The following PRDM5 variants were observed in gnomAD, a reference collection of about 807,000 sequenced individuals.
PRDM5 encodes the protein PR domain zinc finger protein 5.
Under a neutral mutation model 81.2 loss-of-function variants are expected in PRDM5, and 56 were observed. The observed-to-expected ratio is 0.69, with a 90% CI of 0.56 to 0.86. PRDM5 has a LOEUF of 0.86. Among genes scored for constraint, PRDM5 ranks in the 40% least tolerant of loss-of-function variants. The pLI is 0.00. For missense variants in PRDM5, 697 were observed against 770.1 expected (o/e 0.91, Z 1.12); for synonymous variants, 267 against 256.4 (o/e 1.04, Z -0.39).
intron 3 of PRDM5, among the ~76,000 whole-genome samples, chr4:120,850,902 G>A (rs950256855): frequency 2.6e-5 from 4 of 152,146 alleles, no homozygotes; most frequent in South Asian, 2.1e-4. Context: ...GAAAATGAGC[G>A]AAGTGCCTAC....
intron 13 of PRDM5, among the ~76,000 whole-genome samples, chr4:120,765,637 G>A (rs1017711498): frequency 6.6e-6 from 1 of 152,166 alleles, no homozygotes; most frequent in African/African-American, 2.4e-5. Context: ...GAAGATGACA[G>A]CAACACACTG....
intron 14 of PRDM5, among the ~76,000 whole-genome samples, chr4:120,714,894 C>T (rs765444114): frequency 1.3e-5 from 2 of 152,140 alleles, no homozygotes; most frequent in African/African-American, 2.4e-5. Context: ...TAAGTCTGAA[C>T]TCCACACTTG....
At chr4:120,887,425 T>TG (rs1366991995) in intron 2 of PRDM5, among the ~76,000 whole-genome samples, 8 of 152,164 alleles carry the variant, frequency 5.3e-5, no homozygotes. Context: ...GCTCCACTCT[T>TG]GCCTCTCTAC....
At chr4:120,886,352 C>T (rs1763437938) in intron 2 of PRDM5, among the ~76,000 whole-genome samples, 1 of 152,172 alleles carries the variant, frequency 6.6e-6, no homozygotes, top group African/African-American at 2.4e-5. Flanking sequence ...AACTAAAACA[C>T]ATTGGAAACC....
chr4:120,784,604 G>C (rs1347411176), intron 11 of PRDM5, among the ~76,000 whole-genome samples: 2 of 152,072 alleles, frequency 1.3e-5, no homozygotes, highest in Non-Finnish European at 2.9e-5. Flanking sequence ...AAGTTTGTGA[G>C]CTCATAAAAC....
chr4:120,818,502 A>G lies in PRDM5; in HGVS notation c.501T>C (p.Tyr167=). ...RKDRLGCKED[Y]ACPQCESSFT... ...AACTCGATTCACATTGAGGACAAGC[A>G]TAGTCCTCTTTACAGCCAAGGCGAT... is the stretch of plus-strand genomic sequence containing the variant. The change falls in exon 5 of 16, where the codon TAT becomes TAC. Residue 167 remains tyrosine (Y), a synonymous_variant. Coordinates refer to ENST00000264808, the MANE Select transcript of PRDM5 (RefSeq NM_018699.4). The G allele has an allele frequency of 1.2e-6, 2 of 1,613,542 alleles. No homozygotes were observed. The highest frequency in any genetic ancestry group is 1.7e-6 in the Non-Finnish European group (2 of 1,179,466).
intron 1 of PRDM5, among the ~76,000 whole-genome samples, chr4:120,908,636 A>G (rs549000565): frequency 1.2e-4 from 18 of 152,230 alleles, no homozygotes; most frequent in Non-Finnish European, 2.6e-4. Flanking sequence ...CGGAGAAGCC[A>G]TAAATACTGG....
At chr4:120,728,081 G>A (rs116134735) in intron 14 of PRDM5, among the ~76,000 whole-genome samples, 4,698 of 152,060 alleles carry the variant, frequency 0.031, 87 homozygotes, top group African/African-American at 0.044. Context: ...TGCTGACCCC[G>A]GGGTGAAAGG....
intron 14 of PRDM5, among the ~76,000 whole-genome samples, chr4:120,719,368 TATC>T (rs1404484780): frequency 6.6e-6 from 1 of 152,216 alleles, no homozygotes; most frequent in African/African-American, 2.4e-5. Context: ...CTAGAAAAAT[TATC>T]ATGTACTTGA....
chr4:120,722,071 G>A lies in PRDM5; in HGVS notation c.1624-11658C>T, dbSNP rs538885219. 2.0e-5 allele frequency among the ~76,000 whole-genome samples: 3 copies of A among 152,300 alleles called. No individual in the cohort carries two copies. The South Asian group carries it at 6.2e-4, about 32-fold the overall frequency. The stretch of plus-strand genomic sequence containing the variant: ...CCACTGCCCCTGAAGGCAAGGGAGA[G>A]CCGGCTACGCAGATGTGTATGGGGG... On this transcript the variant is annotated intron_variant, in intron 14 of 15. Transcript: ENST00000264808.
At chr4:120,818,636 T>C in intron 4 of PRDM5, 109 bp from the exon 5 acceptor site, 1 of 930,210 alleles carries the variant, frequency 1.1e-6, no homozygotes, top group Non-Finnish European at 1.7e-6. Flanking sequence ...AATGATACCA[T>C]ATGAATAAAT....
intron 3 of PRDM5, among the ~76,000 whole-genome samples, chr4:120,847,560 A>G (rs1758799279): frequency 6.6e-6 from 1 of 152,174 alleles, no homozygotes; most frequent in Non-Finnish European, 1.5e-5. Context: ...AAGTCCTTGA[A>G]CCAGAACCCC....
chr4:120,851,045 C>T (rs950567545), intron 3 of PRDM5, among the ~76,000 whole-genome samples: 4 of 152,142 alleles, frequency 2.6e-5, no homozygotes, highest in Admixed American at 6.6e-5. Context: ...AAGGGGAACT[C>T]CTAAACAAGT....
intron 2 of PRDM5, among the ~76,000 whole-genome samples, chr4:120,870,764 T>C (rs915246909): frequency 6.6e-6 from 1 of 152,140 alleles, no homozygotes; most frequent in African/African-American, 2.4e-5. Context: ...TTGGTGGCAG[T>C]GTGGAGCGGA....
chr4:120,845,885 G>A (rs751675669), intron 3 of PRDM5, among the ~76,000 whole-genome samples: 7 of 152,182 alleles, frequency 4.6e-5, no homozygotes, highest in Non-Finnish European at 1.0e-4. Flanking sequence ...ATGAACAGAA[G>A]TTTAGAAGTC....
intron 2 of PRDM5, among the ~76,000 whole-genome samples, chr4:120,874,118 T>C (rs1170847003): frequency 6.6e-6 from 1 of 152,180 alleles, no homozygotes; most frequent in Non-Finnish European, 1.5e-5. Flanking sequence ...ATATTCAAAA[T>C]GCGCCCTTCT....
At chr4:120,875,159 C>CTAAA (rs1762218133) in intron 2 of PRDM5, among the ~76,000 whole-genome samples, 1 of 152,208 alleles carries the variant, frequency 6.6e-6, no homozygotes, top group Non-Finnish European at 1.5e-5. Context: ...ATTTGGTGAC[C>CTAAA]TAAAGCATGC....
intron 2 of PRDM5, among the ~76,000 whole-genome samples, chr4:120,866,761 A>G (rs1415599308): frequency 6.6e-6 from 1 of 152,186 alleles, no homozygotes; most frequent in Non-Finnish European, 1.5e-5. Flanking sequence ...GGTAAGCAGA[A>G]TTCTAAGACT....
intron 2 of PRDM5, among the ~76,000 whole-genome samples, chr4:120,868,343 G>T (rs1761429138): frequency 6.6e-6 from 1 of 152,110 alleles, no homozygotes; most frequent in Non-Finnish European, 1.5e-5. Flanking sequence ...TCACATTTCT[G>T]CAACTAAATG....
Sources: allele counts gnomAD v4.1 joint callset (sites outside exome capture counted in the v4.1 genomes callset), GRCh38; gene constraint gnomAD v4.1.1; transcripts MANE v1.5; gene names NCBI Gene and HGNC (gene_info 2026-07-23, HGNC 2026-07-21).